The following ANKRD55 variants were observed in gnomAD, a reference collection of about 807,000 sequenced individuals.
The protein encoded by ANKRD55 is ankyrin repeat domain 55.
ANKRD55 carries 41 observed loss-of-function variants against 60.6 expected under a neutral mutation model. That is an observed-to-expected ratio of 0.68 (90% confidence interval 0.53 to 0.88). The LOEUF is 0.88. Among genes scored for constraint, ANKRD55 ranks in the 40% least tolerant of loss-of-function variants. The pLI is 0.00. For missense variants in ANKRD55, 732 were observed against 767.6 expected, an observed-to-expected ratio of 0.95 and a Z score of 0.55; for synonymous variants, 264 against 290.3, an observed-to-expected ratio of 0.91 and a Z score of 0.92.
chr5:56,103,841 A>G (rs1281148285), intron 10 of ANKRD55, among the ~76,000 whole-genome samples: 1 of 152,208 alleles, frequency 6.6e-6, no homozygotes, highest in Non-Finnish European at 1.5e-5. Flanking sequence ...ATAAGAAAAA[A>G]AGAAAAAACA....
chr5:56,215,783 A>G (rs1362458583), intron 2 of ANKRD55, among the ~76,000 whole-genome samples: 1 of 152,180 alleles, frequency 6.6e-6, no homozygotes, highest in Non-Finnish European at 1.5e-5. Context: ...ATTAAGTGAG[A>G]TAATAGGAAG....
intron 4 of ANKRD55, among the ~76,000 whole-genome samples, chr5:56,173,621 A>T (rs1314325505): frequency 8.5e-5 from 9 of 105,370 alleles, no homozygotes; most frequent in African/African-American, 3.0e-4. Context: ...GGCTCACCAC[A>T]ACTTCCGCCT....
rs941373346 is a variant in ANKRD55 at position 56,176,017 on chromosome 5, T to C, written c.312+135A>G. On this transcript the variant is annotated intron_variant, in intron 4 of 11. Coordinates refer to ENST00000341048, the MANE Select transcript of ANKRD55 (RefSeq NM_024669.3). ...TGGGGATATAAACGTTGAAGATGAT[T>C]GGAGTAAAGCTTCAAGTTCCAGCTC... The C allele has an allele frequency of 4.6e-5, 52 of 1,137,408 alleles. 1 individual carries two copies. The Admixed American group carries it at 1.1e-3, about 23-fold the overall frequency. 70.5% of individuals were successfully genotyped at this position (1,137,408 alleles called of 1,614,324 possible). A position where few individuals can be genotyped will look rare whatever the true frequency, so the allele number is the denominator to read the frequency against.
chr5:56,199,936 G>T (rs532448532), intron 2 of ANKRD55, among the ~76,000 whole-genome samples: 1 of 151,784 alleles, frequency 6.6e-6, no homozygotes, highest in African/African-American at 2.4e-5. Flanking sequence ...CTTGAGACCA[G>T]TAGTTGGAGA....
intron 5 of ANKRD55, among the ~76,000 whole-genome samples, chr5:56,161,532 G>A (rs1434121935): frequency 1.3e-5 from 2 of 152,252 alleles, no homozygotes; most frequent in Non-Finnish European, 2.9e-5. Flanking sequence ...TGCCTTAGCA[G>A]TAAATGTAAT....
At chr5:56,162,392 C>T (rs159546) in intron 5 of ANKRD55, among the ~76,000 whole-genome samples, 67,090 of 151,924 alleles carry the variant, frequency 0.44, 15,532 homozygotes, top group South Asian at 0.61. Flanking sequence ...GGCTTCCTAT[C>T]GGGTTTTGCC....
intron 6 of ANKRD55, among the ~76,000 whole-genome samples, chr5:56,151,735 C>T (rs1235496048): frequency 4.0e-5 from 6 of 151,686 alleles, no homozygotes; most frequent in Non-Finnish European, 8.8e-5. Context: ...ATCACTTGAA[C>T]CCAAGAGGCG....
intron 2 of ANKRD55, among the ~76,000 whole-genome samples, chr5:56,209,848 CTT>C (rs1482329082): frequency 6.6e-6 from 1 of 152,146 alleles, no homozygotes; most frequent in Non-Finnish European, 1.5e-5. Context: ...GGATTTGACT[CTT>C]TGTGAAACTG....
At chr5:56,184,996 G>A (rs887665764) in intron 2 of ANKRD55, among the ~76,000 whole-genome samples, 5 of 151,984 alleles carry the variant, frequency 3.3e-5, no homozygotes, top group East Asian at 1.9e-4. Context: ...CGAGGCGGGC[G>A]GATCACTTGA....
At chr5:56,102,459 T>TG (rs1756312663) in intron 11 of ANKRD55, 35 bp downstream of exon 11, 1 of 1,443,824 alleles carries the variant, frequency 6.9e-7, no homozygotes, top group Admixed American at 1.7e-5. Context: ...TGTTAACACT[T>TG]GCAAAGGAAG....
intron 2 of ANKRD55, among the ~76,000 whole-genome samples, chr5:56,197,307 A>C (rs1759250036): frequency 6.6e-6 from 1 of 152,220 alleles, no homozygotes; most frequent in Admixed American, 6.5e-5. Context: ...TTTTATATTG[A>C]GGCAGGAAGG....
intron 6 of ANKRD55, among the ~76,000 whole-genome samples, chr5:56,159,016 C>CT (rs1332552926): frequency 5.3e-5 from 8 of 151,732 alleles, no homozygotes; most frequent in African/African-American, 1.9e-4. Flanking sequence ...CTTTTTCTTT[C>CT]TTTTTTTTCT....
At chr5:56,191,630 T>C (rs2111843645) in intron 2 of ANKRD55, among the ~76,000 whole-genome samples, 1 of 152,272 alleles carries the variant, frequency 6.6e-6, no homozygotes, top group Middle Eastern at 3.4e-3. Flanking sequence ...CCTCAAGAAG[T>C]AGTGAGCTTC....
At chr5:56,223,187 A>G (rs577700680) in intron 2 of ANKRD55, among the ~76,000 whole-genome samples, 3 of 152,342 alleles carry the variant, frequency 2.0e-5, no homozygotes, top group Admixed American at 1.3e-4. Flanking sequence ...GAAGAGAGTG[A>G]GGGCCAATAT....
intron 2 of ANKRD55, among the ~76,000 whole-genome samples, chr5:56,195,982 T>TAA (rs1321075484): frequency 6.6e-6 from 1 of 152,240 alleles, no homozygotes; most frequent in Non-Finnish European, 1.5e-5. Flanking sequence ...TCATATGTGT[T>TAA]ACTTGACTAG....
chr5:56,193,225 C>A, intron 2 of ANKRD55: 2 of 957,810 alleles, frequency 2.1e-6, no homozygotes, highest in Non-Finnish European at 1.5e-6. Context: ...TTTCTTGATG[C>A]ATTTAAAACA....
intron 2 of ANKRD55, among the ~76,000 whole-genome samples, chr5:56,213,840 T>C (rs1015423512): frequency 6.6e-6 from 1 of 152,260 alleles, no homozygotes; most frequent in African/African-American, 2.4e-5. Flanking sequence ...GTTTACCTGC[T>C]CAGGCAATTC....
chr5:56,181,340 T>C (rs1758845374), intron 3 of ANKRD55, among the ~76,000 whole-genome samples: 1 of 148,336 alleles, frequency 6.7e-6, no homozygotes, highest in Non-Finnish European at 1.5e-5. Context: ...AGCTCTAGAG[T>C]TGTTGTTGTT....
intron 9 of ANKRD55, among the ~76,000 whole-genome samples, chr5:56,113,904 C>T (rs1433005439): frequency 6.6e-6 from 1 of 151,332 alleles, no homozygotes; most frequent in East Asian, 1.9e-4. Flanking sequence ...CCCACCTTGG[C>T]TTCCCAAAGT....
Sources: gnomAD v4.1 joint callset for allele counts (sites outside exome capture counted in the v4.1 genomes callset) on GRCh38, gnomAD v4.1.1 for gene constraint, MANE v1.5 for transcripts, NCBI Gene and HGNC (gene_info 2026-07-23, HGNC 2026-07-21) for gene names.